The following BMAL2 variants were observed in gnomAD, a reference collection of about 807,000 sequenced individuals.
The protein encoded by BMAL2 is basic helix-loop-helix ARNT-like protein 2.
chr12:27,362,088 G>A, the BMAL2 span, among the ~76,000 whole-genome samples: 1 of 152,080 alleles, frequency 6.6e-6, no homozygotes, highest in Non-Finnish European at 1.5e-5. Flanking sequence ...GAATGTACTT[G>A]CAGAGTGTGT....
At chr12:27,363,333 T>C in the BMAL2 span, among the ~76,000 whole-genome samples, 2 of 152,190 alleles carry the variant, frequency 1.3e-5, no homozygotes, top group African/African-American at 4.8e-5. Flanking sequence ...GTTTTCCATA[T>C]ACCTAGGAGG....
the BMAL2 span, among the ~76,000 whole-genome samples, chr12:27,384,998 T>G: frequency 6.6e-6 from 1 of 152,264 alleles, no homozygotes; most frequent in East Asian, 1.9e-4. Context: ...AGAAAGAAAT[T>G]TTAATCAAGT....
the BMAL2 span, chr12:27,377,652 A>G: frequency 6.6e-6 from 1 of 152,250 alleles, no homozygotes; most frequent in Non-Finnish European, 1.5e-5. Flanking sequence ...GAGGCAGAAT[A>G]ATCATTTGAG....
chr12:27,412,641 G>T, the BMAL2 span, among the ~76,000 whole-genome samples: 1 of 152,006 alleles, frequency 6.6e-6, no homozygotes, highest in African/African-American at 2.4e-5. Context: ...ATGTACACAT[G>T]TGTGTGTCCC....
chr12:27,414,883 GA>G, the BMAL2 span, among the ~76,000 whole-genome samples: 1 of 151,402 alleles, frequency 6.6e-6, no homozygotes, highest in Non-Finnish European at 1.5e-5. Flanking sequence ...GCTAGACTAA[GA>G]AAAAAAAGAG....
At chr12:27,343,355 A>C in the BMAL2 span, among the ~76,000 whole-genome samples, 3 of 152,220 alleles carry the variant, frequency 2.0e-5, no homozygotes, top group African/African-American at 7.2e-5. Context: ...ATGAACACTG[A>C]TGCATTTTTT....
chr12:27,391,761 A>G, the BMAL2 span, among the ~76,000 whole-genome samples: 3 of 152,378 alleles, frequency 2.0e-5, no homozygotes, highest in East Asian at 5.8e-4. Context: ...ACAATCAATC[A>G]TAAACCCCCT....
the BMAL2 span, among the ~76,000 whole-genome samples, chr12:27,381,031 T>G: frequency 6.6e-6 from 1 of 152,014 alleles, no homozygotes; most frequent in South Asian, 2.1e-4. Flanking sequence ...TATTGAGAGA[T>G]TTCTATCCTT....
At chr12:27,340,183 A>T in the BMAL2 span, among the ~76,000 whole-genome samples, 11 of 152,232 alleles carry the variant, frequency 7.2e-5, no homozygotes, top group East Asian at 1.2e-3. Context: ...GCCTGTTCCT[A>T]TGTCCAGAAT....
chr12:27,395,964 C>T, the BMAL2 span, among the ~76,000 whole-genome samples: 1 of 152,168 alleles, frequency 6.6e-6, no homozygotes, highest in Non-Finnish European at 1.5e-5. Context: ...AGGCAAGTTT[C>T]TCTTAATATA....
At chr12:27,401,458 A>C in the BMAL2 span, 1 of 1,543,546 alleles carries the variant, frequency 6.5e-7, no homozygotes. Flanking sequence ...AGTTTGAATT[A>C]ATCTTCACAA....
chr12:27,371,852 C>T, the BMAL2 span, among the ~76,000 whole-genome samples: 5 of 152,066 alleles, frequency 3.3e-5, no homozygotes, highest in African/African-American at 9.7e-5. Context: ...TTTAAATCAC[C>T]CCAAAGAAGA....
the BMAL2 span, among the ~76,000 whole-genome samples, chr12:27,348,322 G>A: frequency 6.6e-6 from 1 of 152,142 alleles, no homozygotes; most frequent in South Asian, 2.1e-4. Context: ...TGATGTTCTT[G>A]TGGTCACTTT....
chr12:27,338,094 A>G, the BMAL2 span, among the ~76,000 whole-genome samples: 2 of 152,214 alleles, frequency 1.3e-5, no homozygotes, highest in South Asian at 2.1e-4. Flanking sequence ...TCTTGCACCT[A>G]TTAAGTGCTT....
chr12:27,398,558 A>G, the BMAL2 span, among the ~76,000 whole-genome samples: 1 of 144,514 alleles, frequency 6.9e-6, no homozygotes, highest in Admixed American at 6.7e-5. Flanking sequence ...ATTAAATGGG[A>G]TTTTTAAAAA....
the BMAL2 span, among the ~76,000 whole-genome samples, chr12:27,401,859 G>A: frequency 6.6e-6 from 1 of 152,138 alleles, no homozygotes; most frequent in African/African-American, 2.4e-5. Flanking sequence ...TAAGCTAAAA[G>A]TTTTCATTTC....
At chr12:27,407,413 C>G in the BMAL2 span, among the ~76,000 whole-genome samples, 4 of 152,162 alleles carry the variant, frequency 2.6e-5, no homozygotes, top group Non-Finnish European at 5.9e-5. Flanking sequence ...ATATTGCAAT[C>G]AAACTAGAAC....
At chr12:27,401,110 C>T in the BMAL2 span, 1 of 664,282 alleles carries the variant, frequency 1.5e-6, no homozygotes, top group Non-Finnish European at 2.6e-6. Context: ...GGGTCTAGGG[C>T]AGCCGAGGGG....
At chr12:27,411,404 G>C in the BMAL2 span, among the ~76,000 whole-genome samples, 1 of 151,834 alleles carries the variant, frequency 6.6e-6, no homozygotes, top group Non-Finnish European at 1.5e-5. Flanking sequence ...ATCACTTGAG[G>C]CTAGGAGTTC....
Sources: allele counts gnomAD v4.1 joint callset (sites outside exome capture counted in the v4.1 genomes callset), GRCh38; gene constraint gnomAD v4.1.1; transcripts MANE v1.5; gene names NCBI Gene and HGNC (gene_info 2026-07-23, HGNC 2026-07-21).